The following PHLDB2 variants were observed in gnomAD, a reference collection of about 807,000 sequenced individuals.
PHLDB2 encodes pleckstrin homology like domain family B member 2, also known as pleckstrin homology-like domain family B member 2.
PHLDB2 carries 71 observed loss-of-function variants against 123.6 expected under a neutral mutation model. That is an observed-to-expected ratio of 0.57 (90% CI 0.47 to 0.70). The LOEUF is 0.70. Ranked by LOEUF, PHLDB2 falls within the 30% of genes least tolerant of loss-of-function variation. The pLI is 0.00. For synonymous variants in PHLDB2, 547 were observed against 541.6 expected, an observed-to-expected ratio of 1.01 and a Z score of -0.14; for missense variants, 1,446 against 1,519.5, an observed-to-expected ratio of 0.95 and a Z score of 0.80.
At chr3:111,878,497 A>G (rs2065768356) in intron 1 of PHLDB2, among the ~76,000 whole-genome samples, 1 of 152,216 alleles carries the variant, frequency 6.6e-6, no homozygotes, top group Admixed American at 6.5e-5. Context: ...GTCATCTGCA[A>G]ACAGAGACAA....
chr3:111,851,797 C>T (rs2064267584), intron 2 of PHLDB2, among the ~76,000 whole-genome samples: 1 of 152,034 alleles, frequency 6.6e-6, no homozygotes, highest in African/African-American at 2.4e-5. Context: ...CCATCTTTCC[C>T]CTTTCCTCAA....
chr3:111,929,670 A>G (rs1356877476), intron 5 of PHLDB2, among the ~76,000 whole-genome samples: 2 of 152,070 alleles, frequency 1.3e-5, no homozygotes, highest in African/African-American at 2.4e-5. Flanking sequence ...TCTGTGATTT[A>G]TAGCCAGGCC....
Position 111,958,696 on chromosome 3 carries a change from A to G in PHLDB2, c.2873-3412A>G, listed in dbSNP as rs539332040. 8.6e-4 allele frequency: 394 copies of G among 455,928 alleles called. 4 individuals carry two copies. Among genetic ancestry groups the G allele is most frequent in the South Asian group, 5.9e-3 (381 of 64,520 alleles). 28.2% of individuals were successfully genotyped at this position (455,928 alleles called of 1,614,324 possible). A position where few individuals can be genotyped will look rare whatever the true frequency, so the allele number is the denominator to read the frequency against. ...TTCAAACAGCTATTTCTCTCTGGAT[A>G]GGAAGGATTTAGAGCATTTTCAAGG... On this transcript the variant is annotated intron_variant, in intron 12 of 17. Transcript: ENST00000431670.
At chr3:111,888,317 C>G (rs2066291626) in intron 2 of PHLDB2, among the ~76,000 whole-genome samples, 1 of 151,962 alleles carries the variant, frequency 6.6e-6, no homozygotes, top group African/African-American at 2.4e-5. Flanking sequence ...CAGAGGTTCT[C>G]TGGGAAAACC....
intron 1 of PHLDB2, 82 bp from the exon 2 acceptor site, chr3:111,883,978 ATTGT>A: frequency 1.5e-6 from 2 of 1,297,964 alleles, no homozygotes; most frequent in South Asian, 1.5e-5. Flanking sequence ...AGACTGCAAG[ATTGT>A]TTGTTCAGAT....
chr3:111,916,479 CA>C (rs2068184090), intron 3 of PHLDB2: 1 of 152,046 alleles, frequency 6.6e-6, no homozygotes, highest in African/African-American at 2.4e-5. Flanking sequence ...TAACAAAGTA[CA>C]ATGTTAATAA....
At chr3:111,823,600 CTT>C (rs1337082614) in intron 1 of PHLDB2, among the ~76,000 whole-genome samples, 1 of 152,200 alleles carries the variant, frequency 6.6e-6, no homozygotes, top group East Asian at 1.9e-4. Context: ...GTTTACCAGA[CTT>C]TCACAAACCT....
chr3:111,895,928 G>A (rs1172793396), intron 2 of PHLDB2, among the ~76,000 whole-genome samples: 2 of 151,774 alleles, frequency 1.3e-5, no homozygotes, highest in East Asian at 1.9e-4. Flanking sequence ...AGTGAAGGAG[G>A]ACTATTGATT....
intron 13 of PHLDB2, among the ~76,000 whole-genome samples, chr3:111,965,268 G>T (rs2071678562): frequency 6.6e-6 from 1 of 152,202 alleles, no homozygotes; most frequent in African/African-American, 2.4e-5. Flanking sequence ...CTAAAAAGTG[G>T]TTCAAGGTTA....
At chr3:111,750,783 T>C (rs907622030) in intron 1 of PHLDB2, among the ~76,000 whole-genome samples, 2 of 151,844 alleles carry the variant, frequency 1.3e-5, no homozygotes, top group African/African-American at 2.4e-5. Context: ...CCACCTCTAC[T>C]AAAAATACAA....
chr3:111,970,406 T>C (rs1021039756), intron 16 of PHLDB2, among the ~76,000 whole-genome samples: 4 of 152,168 alleles, frequency 2.6e-5, no homozygotes, highest in Non-Finnish European at 5.9e-5. Context: ...TTGTGATTGA[T>C]TGATTGTCAT....
chr3:111,832,081 A>G (rs910686827), intron 1 of PHLDB2, among the ~76,000 whole-genome samples: 4 of 152,076 alleles, frequency 2.6e-5, no homozygotes, highest in Non-Finnish European at 5.9e-5. Context: ...ATTCATATCA[A>G]CCACATCTTC....
intron 1 of PHLDB2, among the ~76,000 whole-genome samples, chr3:111,789,703 A>T (rs1241958008): frequency 4.2e-3 from 640 of 152,306 alleles, no homozygotes; most frequent in African/African-American, 0.015. Context: ...ATAATAATAT[A>T]TATTATGTGC....
At position 111,829,118 on chromosome 3, in the gene PHLDB2, G is replaced by A. The variant is rs151261648; in HGVS notation, c.-48-16703G>A. Among the ~76,000 whole-genome samples the A allele has an allele frequency of 5.0e-3, 761 of 152,134 alleles. 3 individuals are homozygous for A. Among genetic ancestry groups the A allele is most frequent in the Admixed American group, 7.9e-3 (121 of 15,290 alleles). On this transcript the variant is annotated intron_variant, in intron 1 of 17. Transcript: ENST00000393923. ...TTTTAGACATTTCCCTTCTCCTATT[G>A]ACAGCATTAATTAGAGCCAACACAC... is the stretch of plus-strand genomic sequence containing the variant.
chr3:111,769,209 G>A (rs1191618155), intron 1 of PHLDB2, among the ~76,000 whole-genome samples: 1 of 152,156 alleles, frequency 6.6e-6, no homozygotes, highest in Non-Finnish European at 1.5e-5. Flanking sequence ...TATGGGTTTG[G>A]ATGAGGATTG....
At chr3:111,954,110 A>G (rs1012175438) in intron 12 of PHLDB2, 81 bp downstream of exon 12, 7 of 1,277,222 alleles carry the variant, frequency 5.5e-6, no homozygotes, top group Non-Finnish European at 7.7e-6. Context: ...GAACAGGGGT[A>G]GGGATGATTA....
chr3:111,754,862 G>T (rs36190035), intron 1 of PHLDB2, among the ~76,000 whole-genome samples: 27,324 of 128,470 alleles, frequency 0.21, 2,431 homozygotes, highest in East Asian at 0.4. Context: ...TAGCATGAAG[G>T]GTTGTTGAAT....
intron 1 of PHLDB2, among the ~76,000 whole-genome samples, chr3:111,841,514 C>T (rs1313896411): frequency 6.6e-6 from 1 of 152,182 alleles, no homozygotes; most frequent in East Asian, 1.9e-4. Flanking sequence ...TGAGTATGGG[C>T]ATTGTCTCTC....
chr3:111,932,263 C>T lies in PHLDB2; in HGVS notation c.2002-6C>T. On this transcript the variant is annotated splice_region_variant and splice_polypyrimidine_tract_variant and intron_variant, in intron 5 of 17. Coordinates refer to ENST00000431670, the MANE Select transcript of PHLDB2 (RefSeq NM_001134438.2). ...TCTATTCTATTTTCTGGTTTCTGAACTTCAGGAGAAGGTAAAGCTTGATGC... is the reference window on the plus strand; with the variant it reads ...TCTATTCTATTTTCTGGTTTCTGAATTTCAGGAGAAGGTAAAGCTTGATGC... 6.5e-7 allele frequency: 1 copy of T among 1,550,382 alleles called. No individual in the cohort carries two copies. The highest frequency in any genetic ancestry group is 8.7e-7 in the Non-Finnish European group (1 of 1,146,308).
Sources: gnomAD v4.1 joint callset for allele counts (sites outside exome capture counted in the v4.1 genomes callset) on GRCh38, gnomAD v4.1.1 for gene constraint, MANE v1.5 for transcripts, NCBI Gene and HGNC (gene_info 2026-07-23, HGNC 2026-07-21) for gene names.